Variants in SDK1 observed in about 807,000 individuals in gnomAD.
The protein encoded by SDK1 is protein sidekick-1.
A neutral mutation model predicts 245.5 loss-of-function variants in SDK1; 157 were observed. The observed-to-expected ratio is 0.64, with a 90% CI of 0.56 to 0.73. The LOEUF is 0.73. Among genes scored for constraint, SDK1 ranks in the 30% least tolerant of loss-of-function variants. SDK1 has a pLI of 0.00. For missense variants in SDK1, 3,583 were observed against 3,002.3 expected (o/e 1.19, Z -4.52); for synonymous variants, 1,647 against 1,278.5 (o/e 1.29, Z -6.15).
At chr7:3,519,974 AT>A (rs1782879950) in intron 1 of SDK1, among the ~76,000 whole-genome samples, 1 of 152,170 alleles carries the variant, frequency 6.6e-6, no homozygotes, top group South Asian at 2.1e-4. Context: ...GAGTGATTTT[AT>A]TTGTGCATAT....
At chr7:3,874,536 T>A (rs1367691854) in intron 5 of SDK1, among the ~76,000 whole-genome samples, 1 of 152,180 alleles carries the variant, frequency 6.6e-6, no homozygotes, top group Non-Finnish European at 1.5e-5. Context: ...GCTCCTTCCC[T>A]ACCTGTCATG....
intron 4 of SDK1, among the ~76,000 whole-genome samples, chr7:3,678,883 T>C (rs1444761655): frequency 6.6e-6 from 1 of 152,102 alleles, no homozygotes; most frequent in African/African-American, 2.4e-5. Flanking sequence ...ACAGGCAAAA[T>C]AATGAACCTG....
chr7:4,102,412 G>T (rs142503549), intron 22 of SDK1, among the ~76,000 whole-genome samples: 1 of 152,114 alleles, frequency 6.6e-6, no homozygotes, highest in Non-Finnish European at 1.5e-5. Context: ...GGCAGGGTGC[G>T]CTTGGCTTGG....
rs140666865 is a variant in SDK1, at chr7:3,453,538, G to A, written c.298+151654G>A. ...GACACAGAGGGAGGGGAAGAAAGGAGAGGAGGCACTGTGACTGCAGGCAGA... is the reference window on the plus strand; with the variant it reads ...GACACAGAGGGAGGGGAAGAAAGGAAAGGAGGCACTGTGACTGCAGGCAGA... On this transcript the variant is annotated intron_variant, in intron 1 of 44. Transcript: ENST00000404826. Among the ~76,000 whole-genome samples, 190 of 152,298 alleles carry A rather than the reference G, an allele frequency of 1.2e-3. 5 individuals are homozygous for A. In the East Asian group the frequency reaches 0.033, roughly 26 times the overall value.
intron 1 of SDK1, among the ~76,000 whole-genome samples, chr7:3,506,624 GTTTA>G (rs1782400598): frequency 6.6e-6 from 1 of 152,112 alleles, no homozygotes; most frequent in Non-Finnish European, 1.5e-5. Flanking sequence ...TACTGAGAGT[GTTTA>G]TTTCTTACAG....
intron 1 of SDK1, among the ~76,000 whole-genome samples, chr7:3,496,098 A>G (rs1168543385): frequency 1.3e-5 from 2 of 152,088 alleles, no homozygotes; most frequent in Non-Finnish European, 2.9e-5. Flanking sequence ...GACCCTGGAG[A>G]TGCGTAGTGT....
intron 35 of SDK1, chr7:4,179,337 G>A (rs1259870240): frequency 6.6e-6 from 1 of 152,094 alleles, no homozygotes. Flanking sequence ...AATAATTAGA[G>A]TGTCCCTGAG....
chr7:3,526,768 T>C (rs1400995986), intron 1 of SDK1, among the ~76,000 whole-genome samples: 3 of 152,198 alleles, frequency 2.0e-5, no homozygotes, highest in Non-Finnish European at 4.4e-5. Context: ...GAGCCATGGA[T>C]GGTCTTTTAT....
chr7:4,184,496 C>G (rs1407192600), intron 35 of SDK1, among the ~76,000 whole-genome samples: 1 of 152,214 alleles, frequency 6.6e-6, no homozygotes, highest in East Asian at 1.9e-4. Context: ...GGTCAGCCCC[C>G]AGTCAGTATT....
chr7:3,624,903 GT>G (rs1447645408), intron 2 of SDK1, among the ~76,000 whole-genome samples: 13 of 152,096 alleles, frequency 8.5e-5, no homozygotes, highest in Admixed American at 8.5e-4. Flanking sequence ...AAATTAGCTG[GT>G]TGTCGTGGTG....
intron 1 of SDK1, among the ~76,000 whole-genome samples, chr7:3,334,254 T>C (rs578020487): frequency 1.3e-5 from 2 of 152,298 alleles, no homozygotes; most frequent in East Asian, 3.9e-4. Flanking sequence ...TCTTCAAGAT[T>C]GTTTTGTAGT....
At chr7:4,187,314 A>G (rs183480978) in intron 35 of SDK1, among the ~76,000 whole-genome samples, 263 of 152,344 alleles carry the variant, frequency 1.7e-3, no homozygotes, top group African/African-American at 5.8e-3. Context: ...GCACCTTGCT[A>G]TTAGAAATGA....
intron 1 of SDK1, among the ~76,000 whole-genome samples, chr7:3,575,811 C>A (rs1021335681): frequency 2.0e-5 from 3 of 151,964 alleles, no homozygotes; most frequent in African/African-American, 7.2e-5. Context: ...AACACAATAG[C>A]GTTTGTCTTG....
At chr7:3,684,038 C>G (rs1326466921) in intron 4 of SDK1, among the ~76,000 whole-genome samples, 1 of 152,316 alleles carries the variant, frequency 6.6e-6, no homozygotes, top group South Asian at 2.1e-4. Flanking sequence ...CGCTGCTCCA[C>G]TCAAGCGTTC....
In SDK1 at chr7:4,139,583, A is replaced by ATATG. The variant is rs1180840345; in HGVS notation, c.4229-6138_4229-6137insATGT. On this transcript the variant is annotated intron_variant, in intron 28 of 44. Coordinates refer to ENST00000404826, the MANE Select transcript of SDK1 (RefSeq NM_152744.4). ...TATATGTGTGTATATGTGTGTGTGTATGTGTGTGTATATGTATATATGTGT... is the reference window on the plus strand; with the variant it reads ...TATATGTGTGTATATGTGTGTGTGTATATGTGTGTGTGTATATGTATATATGTGT... 4.8e-5 allele frequency among the ~76,000 whole-genome samples: 2 copies of ATATG among 41,856 alleles called. 1 individual carries two copies. The highest frequency in any genetic ancestry group is 1.4e-4 in the African/African-American group (2 of 14,244). The allele number at this position is 41,856 out of a possible 152,430, so 27.5% of individuals were successfully genotyped here. A position where few individuals can be genotyped will look rare whatever the true frequency, so the allele number is the denominator to read the frequency against.
At chr7:3,692,777 C>T (rs1784470226) in intron 4 of SDK1, among the ~76,000 whole-genome samples, 1 of 151,820 alleles carries the variant, frequency 6.6e-6, no homozygotes, top group Non-Finnish European at 1.5e-5. Context: ...TGAAACATTC[C>T]CCTGTATTCT....
chr7:4,149,598 A>G (rs1193288839), intron 30 of SDK1, 135 bp downstream of exon 30: 11 of 550,298 alleles, frequency 2.0e-5, no homozygotes, highest in Non-Finnish European at 3.0e-6. Context: ...TTTCTTTTTG[A>G]CACTCCCCAT....
intron 1 of SDK1, among the ~76,000 whole-genome samples, chr7:3,422,188 A>G (rs547036193): frequency 6.6e-6 from 1 of 152,338 alleles, no homozygotes; most frequent in South Asian, 2.1e-4. Context: ...AAGTGGAATG[A>G]ATCAAATGCA....
At position 3,326,304 on chromosome 7, in the gene SDK1, A is replaced by G. The variant is rs561465547; in HGVS notation, c.298+24420A>G. 2.6e-5 allele frequency among the ~76,000 whole-genome samples: 4 copies of G among 152,288 alleles called. No homozygotes were observed. The South Asian group carries it at 6.2e-4, about 24-fold the overall frequency. ...TGTACATATCTAATGGGATCAAATT[A>G]TATGCTGTTTTGTATTCTCTCAGTC... On this transcript the variant is annotated intron_variant, in intron 1 of 44. Transcript: ENST00000404826.
Sources: gnomAD v4.1 joint callset for allele counts (sites outside exome capture counted in the v4.1 genomes callset) on GRCh38, gnomAD v4.1.1 for gene constraint, MANE v1.5 for transcripts, NCBI Gene and HGNC (gene_info 2026-07-23, HGNC 2026-07-21) for gene names.